The following ADORA2B variants were observed in gnomAD, a reference collection of about 807,000 sequenced individuals.
The protein encoded by ADORA2B is adenosine receptor A2b.
In ADORA2B, 18 loss-of-function variants were observed where a neutral mutation model predicts 20.8. That is an observed-to-expected ratio of 0.87 (90% CI 0.60 to 1.29). ADORA2B has a LOEUF of 1.29. Among genes scored for constraint, ADORA2B ranks in the 50% most tolerant of loss-of-function variants. The pLI, the probability that ADORA2B is intolerant of heterozygous loss-of-function variation, is 0.00. For synonymous variants in ADORA2B, 179 were observed against 178.3 expected (o/e 1.00, Z -0.03); for missense variants, 441 against 422.7 (o/e 1.04, Z -0.38).
intron 1 of ADORA2B, among the ~76,000 whole-genome samples, chr17:15,965,614 G>A (rs1314426666): frequency 6.6e-6 from 1 of 152,248 alleles, no homozygotes; most frequent in African/African-American, 2.4e-5. Flanking sequence ...ATTTTGCCTA[G>A]GCAAAGGAGG....
At chr17:15,920,780 C>T in the ADORA2B span, among the ~76,000 whole-genome samples, 7 of 151,868 alleles carry the variant, frequency 4.6e-5, no homozygotes, top group African/African-American at 1.7e-4. Context: ...AAAAATGACA[C>T]GCCAGAAAGG....
the ADORA2B span, among the ~76,000 whole-genome samples, chr17:15,859,985 C>T: frequency 3.3e-5 from 5 of 152,258 alleles, no homozygotes; most frequent in African/African-American, 2.4e-5. Context: ...ACAGACAGCC[C>T]GGCACCACAC....
the ADORA2B span, among the ~76,000 whole-genome samples, chr17:15,926,484 C>T: frequency 1.3e-5 from 2 of 151,684 alleles, no homozygotes; most frequent in Non-Finnish European, 2.9e-5. Context: ...ATGTGACAAT[C>T]GGGGGAGAGC....
the ADORA2B span, among the ~76,000 whole-genome samples, chr17:15,915,333 A>G: frequency 6.6e-6 from 1 of 152,218 alleles, no homozygotes. Context: ...TGGAGAATCC[A>G]GGCTATTCTC....
At chr17:15,918,386 G>A in the ADORA2B span, among the ~76,000 whole-genome samples, 1 of 152,186 alleles carries the variant, frequency 6.6e-6, no homozygotes, top group African/African-American at 2.4e-5. Context: ...CCTCCGGTAG[G>A]GGCCTAGTTT....
chr17:15,935,386 T>C, the ADORA2B span, among the ~76,000 whole-genome samples: 7 of 152,196 alleles, frequency 4.6e-5, no homozygotes, highest in Admixed American at 3.3e-4. Context: ...ATGGCTCTTA[T>C]GGTCTCCATG....
At chr17:15,853,943 A>G in the ADORA2B span, among the ~76,000 whole-genome samples, 2 of 152,006 alleles carry the variant, frequency 1.3e-5, no homozygotes, top group Non-Finnish European at 2.9e-5. Flanking sequence ...TCAGAGATAC[A>G]TTTATTTATT....
At chr17:15,858,504 T>G in the ADORA2B span, among the ~76,000 whole-genome samples, 2 of 152,076 alleles carry the variant, frequency 1.3e-5, no homozygotes, top group Admixed American at 1.3e-4. Context: ...GGTGCAGGAG[T>G]GAAAGGGAGA....
At chr17:15,872,860 A>G in the ADORA2B span, among the ~76,000 whole-genome samples, 20 of 152,168 alleles carry the variant, frequency 1.3e-4, no homozygotes, top group African/African-American at 4.6e-4. Flanking sequence ...TAGAGATAGT[A>G]TGACTTCCTC....
the ADORA2B span, among the ~76,000 whole-genome samples, chr17:15,932,747 A>T: frequency 2.6e-5 from 4 of 152,126 alleles, no homozygotes; most frequent in East Asian, 7.7e-4. Flanking sequence ...GTCAAATATC[A>T]ATTGACCATA....
intron 1 of ADORA2B, among the ~76,000 whole-genome samples, chr17:15,948,073 A>G (rs567863717): frequency 3.3e-5 from 5 of 152,180 alleles, no homozygotes; most frequent in Admixed American, 2.6e-4. Flanking sequence ...AAGCCAAGCA[A>G]TAAGGAGGGT....
At chr17:15,923,530 G>A in the ADORA2B span, among the ~76,000 whole-genome samples, 4 of 151,510 alleles carry the variant, frequency 2.6e-5, no homozygotes, top group Non-Finnish European at 4.4e-5. Context: ...TCAACCTCCC[G>A]AGTAGCAGAG....
the ADORA2B span, among the ~76,000 whole-genome samples, chr17:15,889,495 C>T: frequency 7.7e-6 from 1 of 130,356 alleles, no homozygotes; most frequent in Non-Finnish European, 1.6e-5. Context: ...ATATAGCACA[C>T]CCATCAAAAA....
chr17:15,961,466 A>G (rs1040500598), intron 1 of ADORA2B, among the ~76,000 whole-genome samples: 2 of 152,082 alleles, frequency 1.3e-5, no homozygotes, highest in African/African-American at 4.8e-5. Context: ...TGTTTCTCCC[A>G]TTGTTGGTAT....
the ADORA2B span, among the ~76,000 whole-genome samples, chr17:15,896,233 G>T: frequency 5.9e-5 from 9 of 152,170 alleles, no homozygotes; most frequent in Non-Finnish European, 1.2e-4. Context: ...ACTCGAGCTA[G>T]TCAGCAAATA....
chr17:15,884,058 A>G, the ADORA2B span, among the ~76,000 whole-genome samples: 14 of 152,168 alleles, frequency 9.2e-5, 1 homozygote, highest in African/African-American at 3.4e-4. Flanking sequence ...TCAGAGTCAC[A>G]CTCTAGTAAG....
chr17:15,931,461 A>G, the ADORA2B span, among the ~76,000 whole-genome samples: 1 of 152,194 alleles, frequency 6.6e-6, no homozygotes, highest in Non-Finnish European at 1.5e-5. Context: ...CTTAGCAAGG[A>G]TCCACATGCA....
At chr17:15,875,935 G>C in the ADORA2B span, among the ~76,000 whole-genome samples, 2 of 152,326 alleles carry the variant, frequency 1.3e-5, no homozygotes, top group Admixed American at 1.3e-4. Flanking sequence ...CTCTTTGTGA[G>C]ATATCCCCAC....
rs762496834 is a variant in ADORA2B, at chr17:15,975,271, C to G, written c.928C>G (p.Leu310Val). ...TFHKIISRYLLCQADVKSGNG... is the reference protein window; with the variant it reads ...TFHKIISRYLVCQADVKSGNG... ...TCACAAAATTATCTCCAGGTATCTT[C>G]TCTGCCAAGCAGATGTCAAGAGTGG... is the stretch of plus-strand genomic sequence containing the variant. The change falls in exon 2 of 2, where the codon CTC becomes GTC. Residue 310 changes from leucine to valine, a missense_variant. Physicochemically the swap from Leu to Val is conservative, Grantham distance 32. Coordinates refer to ENST00000304222, the MANE Select transcript of ADORA2B (RefSeq NM_000676.4). The G allele has an allele frequency of 1.9e-6, 3 of 1,613,716 alleles. No homozygotes were observed. The highest frequency in any genetic ancestry group is 1.7e-5 in the Admixed American group (1 of 60,014).
Sources: allele counts gnomAD v4.1 joint callset (sites outside exome capture counted in the v4.1 genomes callset), GRCh38; gene constraint gnomAD v4.1.1; transcripts MANE v1.5; gene names NCBI Gene and HGNC (gene_info 2026-07-23, HGNC 2026-07-21).